The following INSYN2B variants were observed in gnomAD, a reference collection of about 807,000 sequenced individuals.
The protein encoded by INSYN2B is inhibitory synaptic factor family member 2B, also known as protein INSYN2B.
Under a neutral mutation model 41.2 loss-of-function variants are expected in INSYN2B, and 16 were observed. The ratio of observed to expected loss-of-function variants is 0.39; its 90% CI spans 0.26 to 0.59. The LOEUF (loss-of-function observed/expected upper bound fraction) is 0.59, where lower values mean the gene tolerates loss of function less well. Ranked by LOEUF, INSYN2B falls within the 20% of genes least tolerant of loss-of-function variation. The pLI is 0.57. For synonymous variants in INSYN2B, 245 were observed against 244.4 expected (o/e 1.00, Z -0.02); for missense variants, 608 against 646.4 (o/e 0.94, Z 0.64).
chr5:169,967,249 G>A (rs1238053568), intron 1 of INSYN2B, among the ~76,000 whole-genome samples: 1 of 152,240 alleles, frequency 6.6e-6, no homozygotes, highest in African/African-American at 2.4e-5. Context: ...TAGTGGTGGA[G>A]AGAATCCCAG....
At chr5:169,930,067 T>C (rs1775672642) in intron 1 of INSYN2B, among the ~76,000 whole-genome samples, 1 of 152,240 alleles carries the variant, frequency 6.6e-6, no homozygotes, top group Admixed American at 6.5e-5. Flanking sequence ...CTCAGCTCAC[T>C]GCAATCTCTG....
At chr5:169,929,838 G>A (rs1775661669) in intron 1 of INSYN2B, among the ~76,000 whole-genome samples, 1 of 151,936 alleles carries the variant, frequency 6.6e-6, no homozygotes, top group Admixed American at 6.6e-5. Context: ...CCTTATATGA[G>A]GATAGAAATC....
intron 1 of INSYN2B, among the ~76,000 whole-genome samples, chr5:169,887,943 A>G (rs1246491057): frequency 1.3e-5 from 2 of 152,240 alleles, no homozygotes; most frequent in Admixed American, 1.3e-4. Context: ...TAAAGTAGAA[A>G]AGAAATTGTA....
chr5:169,867,419 GT>G (rs1771639929), intron 3 of INSYN2B, among the ~76,000 whole-genome samples: 2 of 146,732 alleles, frequency 1.4e-5, no homozygotes, highest in African/African-American at 2.5e-5. Context: ...CTGTCTGTCT[GT>G]CTGTCTGTCT....
At chr5:169,873,478 G>C (rs776900933) in intron 3 of INSYN2B, among the ~76,000 whole-genome samples, 2 of 152,296 alleles carry the variant, frequency 1.3e-5, no homozygotes, top group African/African-American at 2.4e-5. Context: ...AGCTGCAAAT[G>C]CATCTGTGAT....
chr5:169,892,007 A>G (rs1388610511), intron 1 of INSYN2B, among the ~76,000 whole-genome samples: 3 of 151,874 alleles, frequency 2.0e-5, no homozygotes, highest in Admixed American at 6.6e-5. Context: ...AAAAAAAAAA[A>G]AAAAAGAAAA....
intron 1 of INSYN2B, among the ~76,000 whole-genome samples, chr5:169,897,921 C>T (rs934831854): frequency 6.6e-6 from 1 of 152,174 alleles, no homozygotes; most frequent in Non-Finnish European, 1.5e-5. Flanking sequence ...CTAATAAAAA[C>T]CATTTCCTAC....
chr5:169,867,162 C>T (rs1771616875), intron 3 of INSYN2B, among the ~76,000 whole-genome samples: 1 of 152,230 alleles, frequency 6.6e-6, no homozygotes, highest in Non-Finnish European at 1.5e-5. Context: ...TGTGTGGGGG[C>T]TTCAGCCCCT....
chr5:169,900,600 A>G (rs553460084), intron 1 of INSYN2B, among the ~76,000 whole-genome samples: 2 of 152,312 alleles, frequency 1.3e-5, no homozygotes, highest in South Asian at 4.1e-4. Flanking sequence ...TTTGGGCTGT[A>G]ATATTAAGAG....
At chr5:169,953,868 G>A (rs918174361) in intron 1 of INSYN2B, among the ~76,000 whole-genome samples, 2 of 152,184 alleles carry the variant, frequency 1.3e-5, no homozygotes, top group Admixed American at 1.3e-4. Context: ...CCACTTACTT[G>A]TTCCGAGTTA....
intron 3 of INSYN2B, among the ~76,000 whole-genome samples, chr5:169,867,283 A>G (rs1771627048): frequency 1.3e-5 from 2 of 152,218 alleles, no homozygotes; most frequent in Admixed American, 1.3e-4. Context: ...GGACAGGAGA[A>G]GGTCAGAGAA....
intron 1 of INSYN2B, among the ~76,000 whole-genome samples, chr5:169,916,742 T>C (rs1343760376): frequency 6.6e-6 from 1 of 152,156 alleles, no homozygotes; most frequent in African/African-American, 2.4e-5. Flanking sequence ...CAGGCACCAG[T>C]ACAAGAATTT....
chr5:169,976,389 G>C (rs1777718924), intron 1 of INSYN2B, among the ~76,000 whole-genome samples: 1 of 152,148 alleles, frequency 6.6e-6, no homozygotes. Context: ...TGAGCATGAA[G>C]CTGACCTCAT....
intron 1 of INSYN2B, among the ~76,000 whole-genome samples, chr5:169,913,629 T>C (rs1419750796): frequency 1.3e-5 from 2 of 152,228 alleles, no homozygotes; most frequent in Non-Finnish European, 2.9e-5. Flanking sequence ...CTCTTGGCTT[T>C]CTGGGAGTAT....
chr5:169,941,362 C>G (rs1257129472), intron 1 of INSYN2B, among the ~76,000 whole-genome samples: 1 of 152,152 alleles, frequency 6.6e-6, no homozygotes, highest in Admixed American at 6.6e-5. Context: ...CCTGTGCCCC[C>G]AGGCCCAGCT....
chr5:169,906,096 G>C (rs1744518856), intron 1 of INSYN2B, among the ~76,000 whole-genome samples: 1 of 152,216 alleles, frequency 6.6e-6, no homozygotes, highest in Non-Finnish European at 1.5e-5. Flanking sequence ...TACACTAAGA[G>C]TTACCAAACG....
intron 1 of INSYN2B, among the ~76,000 whole-genome samples, chr5:169,967,902 A>G (rs563953346): frequency 6.6e-6 from 1 of 152,208 alleles, no homozygotes; most frequent in Non-Finnish European, 1.5e-5. Flanking sequence ...GGTGGAACAA[A>G]GGACTATGGC....
At position 169,894,781 on chromosome 5, in the gene INSYN2B, C is replaced by CT. The variant is rs563689883; in HGVS notation, c.-918-9966dup. Reference sequence around the variant, plus strand: ...TCTTTACCATGGTTACCATTATGCACTGGGCCCCAGGTTACACAGAGACGG... The same window carrying CT: ...TCTTTACCATGGTTACCATTATGCACTTGGGCCCCAGGTTACACAGAGACGG... On this transcript the variant is annotated intron_variant, in intron 1 of 3. Transcript: ENST00000377365. 2.8e-3 allele frequency among the ~76,000 whole-genome samples: 426 copies of CT among 152,304 alleles called. 1 individual carries two copies. Among genetic ancestry groups the CT allele is most frequent in the Admixed American group, 6.9e-3 (105 of 15,306 alleles).
chr5:169,924,077 C>T (rs553671370), intron 1 of INSYN2B, among the ~76,000 whole-genome samples: 1 of 152,326 alleles, frequency 6.6e-6, no homozygotes, highest in African/African-American at 2.4e-5. Context: ...CTGCCACCCT[C>T]TTCCTCCCTG....
Sources: gnomAD v4.1 joint callset for allele counts (sites outside exome capture counted in the v4.1 genomes callset) on GRCh38, gnomAD v4.1.1 for gene constraint, MANE v1.5 for transcripts, NCBI Gene and HGNC (gene_info 2026-07-23, HGNC 2026-07-21) for gene names.